Variants in VPS41 observed in about 807,000 individuals in gnomAD.
VPS41 encodes the protein VPS41 subunit of HOPS complex, also known as vacuolar protein sorting-associated protein 41 homolog.
A neutral mutation model predicts 130.9 loss-of-function variants in VPS41; 85 were observed. The ratio of observed to expected loss-of-function variants is 0.65; its 90% CI spans 0.55 to 0.78. The LOEUF is 0.78. VPS41 is among the 30% of genes least tolerant of loss of function. The pLI is 0.00. For synonymous variants in VPS41, 335 were observed against 332.9 expected (o/e 1.01, Z -0.07); for missense variants, 874 against 1,018.7 (o/e 0.86, Z 1.93).
rs761702028 is a variant in VPS41, at chr7:38,789,830, C to A, written c.755G>T (p.Arg252Met). The A allele has an allele frequency of 1.9e-6, 3 of 1,613,694 alleles. No individual in the cohort carries two copies. The Admixed American group carries it at 5.0e-5, about 27-fold the overall frequency. ...SVKERHASEM[R>M]DLPSRYVEIV... ...TTCAACATATCGACTTGGCAAATCCCTCATTTCACTGGCATGCCGTTCCTT... is the reference window on the plus strand; with the variant it reads ...TTCAACATATCGACTTGGCAAATCCATCATTTCACTGGCATGCCGTTCCTT... Residue 252 changes from arginine to methionine, a missense_variant, in exon 10 of 29, where the codon AGG (arginine) becomes ATG (methionine). Arg to Met is a moderately conservative substitution (Grantham distance 91). Coordinates refer to ENST00000310301, the MANE Select transcript of VPS41 (RefSeq NM_014396.4).
At chr7:38,741,954 G>A (rs1156478527) in intron 25 of VPS41, 31 bp downstream of exon 25, 1 of 1,610,816 alleles carries the variant, frequency 6.2e-7, no homozygotes, top group South Asian at 1.1e-5. Flanking sequence ...AACTAATTCA[G>A]ATGCTCATTT....
chr7:38,772,916 A>G (rs1053837502), intron 12 of VPS41, among the ~76,000 whole-genome samples: 1 of 152,124 alleles, frequency 6.6e-6, no homozygotes, highest in Non-Finnish European at 1.5e-5. Flanking sequence ...ATGACATACT[A>G]AAAAACTTGA....
At chr7:38,825,044 C>T (rs1562599953) in intron 5 of VPS41, among the ~76,000 whole-genome samples, 1 of 152,000 alleles carries the variant, frequency 6.6e-6, no homozygotes, top group African/African-American at 2.4e-5. Context: ...GAGGAATAAA[C>T]AAAAAAGAGA....
In VPS41 at chr7:38,742,762, T is replaced by TAAA. The variant is rs371618498; in HGVS notation, c.2122+637_2122+639dup. 6.2e-5 allele frequency among the ~76,000 whole-genome samples: 9 copies of TAAA among 144,738 alleles called. No individual in the cohort carries two copies. The East Asian group carries it at 1.0e-3, about 16-fold the overall frequency. 95.0% of individuals were successfully genotyped at this position (144,738 alleles called of 152,430 possible). On this transcript the variant is annotated intron_variant, in intron 24 of 28. Coordinates refer to ENST00000310301, the MANE Select transcript of VPS41 (RefSeq NM_014396.4). ...GAACACAAAGACTTCCTACCAAACTTAAAAAAAAAAAAAAGGAAAGAGGAA... is the reference window on the plus strand; with the variant it reads ...GAACACAAAGACTTCCTACCAAACTTAAAAAAAAAAAAAAAAAGGAAAGAGGAA...
At chr7:38,798,381 C>T (rs188819014) in intron 7 of VPS41, among the ~76,000 whole-genome samples, 1 of 152,308 alleles carries the variant, frequency 6.6e-6, no homozygotes, top group East Asian at 1.9e-4. Flanking sequence ...CAACCTCCAC[C>T]TCCTGGGTTC....
intron 23 of VPS41, 74 bp downstream of exon 23, chr7:38,745,485 T>C: frequency 8.0e-7 from 1 of 1,243,464 alleles, no homozygotes; most frequent in Non-Finnish European, 1.2e-6. Context: ...CTATGTCCTT[T>C]CTTACACAAT....
intron 7 of VPS41, among the ~76,000 whole-genome samples, chr7:38,803,401 G>C (rs1487470520): frequency 6.6e-6 from 1 of 152,208 alleles, no homozygotes; most frequent in Non-Finnish European, 1.5e-5. Context: ...AAGTGGGCAA[G>C]ATTCAGCAGG....
Position 38,781,139 on chromosome 7 carries a change from C to T in VPS41, c.785-4363G>A, listed in dbSNP as rs527883931. Reference sequence around the variant, plus strand: ...TATAGGAATGCAAGAATGGACTACACCACGATAAAGAGTTCAAAAAAAGAG... The same window carrying T: ...TATAGGAATGCAAGAATGGACTACATCACGATAAAGAGTTCAAAAAAAGAG... On this transcript the variant is annotated intron_variant, in intron 10 of 28. Transcript: ENST00000310301. Among the ~76,000 whole-genome samples the T allele has an allele frequency of 4.6e-5, 7 of 152,224 alleles. No individual in the cohort carries two copies. In the East Asian group the frequency reaches 1.2e-3, roughly 25 times the overall value.
At chr7:38,845,168 G>A (rs1041750940) in intron 4 of VPS41, among the ~76,000 whole-genome samples, 1 of 152,176 alleles carries the variant, frequency 6.6e-6, no homozygotes, top group African/African-American at 2.4e-5. Context: ...GACAATGGTA[G>A]AAGCCTGGCT....
chr7:38,795,827 T>C (rs1784608543), intron 8 of VPS41, among the ~76,000 whole-genome samples: 1 of 152,198 alleles, frequency 6.6e-6, no homozygotes, highest in African/African-American at 2.4e-5. Flanking sequence ...AAGGAGATTT[T>C]CTTAGATGGC....
At chr7:38,791,024 G>A (rs900194835) in intron 9 of VPS41, among the ~76,000 whole-genome samples, 3 of 152,274 alleles carry the variant, frequency 2.0e-5, no homozygotes, top group Non-Finnish European at 4.4e-5. Flanking sequence ...ACACTGCAGC[G>A]ACTCAGTGAA....
At chr7:38,882,611 A>G (rs921302830) in intron 2 of VPS41, among the ~76,000 whole-genome samples, 1 of 152,032 alleles carries the variant, frequency 6.6e-6, no homozygotes, top group Non-Finnish European at 1.5e-5. Flanking sequence ...AGAACTTCCA[A>G]CCTACCCACC....
At chr7:38,819,067 C>T (rs771891381) in intron 6 of VPS41, among the ~76,000 whole-genome samples, 10 of 152,202 alleles carry the variant, frequency 6.6e-5, no homozygotes, top group Non-Finnish European at 1.2e-4. Flanking sequence ...CTAGCTCTCT[C>T]GTAATGCATA....
chr7:38,763,445 A>T lies in VPS41; in HGVS notation c.1422+10T>A, dbSNP rs200345065. On this transcript the variant is annotated intron_variant, in intron 17 of 28. Transcript: ENST00000310301. The stretch of plus-strand genomic sequence containing the variant: ...GAACAAGTAAATATGACCACATCAG[A>T]ACACCATACCTCATAATCACTCTCC... 2.0e-4 allele frequency: 319 copies of T among 1,571,134 alleles called. 2 individuals carry two copies. The African/African-American group carries it at 4.0e-3, about 20-fold the overall frequency.
In VPS41 at chr7:38,724,820, G is replaced by C. The variant is rs1056065962; in HGVS notation, c.*1426C>G. 6.6e-6 allele frequency: 1 copy of C among 152,260 alleles called. No individual in the cohort carries two copies. The highest frequency in any genetic ancestry group is 2.4e-5 in the African/African-American group (1 of 41,416). The allele number at this position is 152,260 out of a possible 1,614,324, so 9.4% of individuals were successfully genotyped here. On this transcript the variant is annotated 3_prime_UTR_variant, in exon 29 of 29. Transcript: ENST00000310301. ...TTGGTCAGGCTGGTCTCGAACGTGC[G>C]ATCTCAGGTGATCCACCTGCCAAGG...
intron 10 of VPS41, among the ~76,000 whole-genome samples, chr7:38,783,061 G>A (rs1474859655): frequency 6.6e-6 from 1 of 151,874 alleles, no homozygotes; most frequent in Non-Finnish European, 1.5e-5. Context: ...CCAGGAGGCA[G>A]AGGCTGTAGT....
intron 7 of VPS41, among the ~76,000 whole-genome samples, chr7:38,806,610 T>A (rs1028720815): frequency 6.6e-6 from 1 of 152,130 alleles, no homozygotes; most frequent in Non-Finnish European, 1.5e-5. Context: ...TAAAAGCCAA[T>A]GAAGGTCAGA....
intron 1 of VPS41, among the ~76,000 whole-genome samples, chr7:38,903,453 C>A (rs994710812): frequency 6.6e-6 from 1 of 152,122 alleles, no homozygotes; most frequent in Non-Finnish European, 1.5e-5. Flanking sequence ...GAAATGGTAG[C>A]CTGGGGCCTA....
intron 7 of VPS41, among the ~76,000 whole-genome samples, chr7:38,805,519 G>A (rs571137514): frequency 1.3e-5 from 2 of 151,090 alleles, no homozygotes; most frequent in African/African-American, 2.4e-5. Flanking sequence ...GCAACAGAGT[G>A]AGAGTCTGTC....
Sources: allele counts gnomAD v4.1 joint callset (sites outside exome capture counted in the v4.1 genomes callset), GRCh38; gene constraint gnomAD v4.1.1; transcripts MANE v1.5; gene names NCBI Gene and HGNC (gene_info 2026-07-23, HGNC 2026-07-21).